Variants in PREX2 observed in about 807,000 individuals in gnomAD.
The protein encoded by PREX2 is phosphatidylinositol-3,4,5-trisphosphate dependent Rac exchange factor 2, also known as phosphatidylinositol 3,4,5-trisphosphate-dependent Rac exchanger 2 protein.
In PREX2, 107 loss-of-function variants were observed where a neutral mutation model predicts 203.2. The ratio of observed to expected loss-of-function variants is 0.53; its 90% CI spans 0.45 to 0.62. PREX2 has a LOEUF of 0.62. Ranked by LOEUF, PREX2 falls within the 20% of genes least tolerant of loss-of-function variation. PREX2 has a pLI of 0.00. For synonymous variants in PREX2, 672 were observed against 663.6 expected (o/e 1.01, Z -0.19); for missense variants, 1,777 against 1,955.9 (o/e 0.91, Z 1.72).
chr8:68,093,920 GTT>G (rs1369954619), intron 21 of PREX2, among the ~76,000 whole-genome samples, 198 bp downstream of exon 21: 1 of 152,120 alleles, frequency 6.6e-6, no homozygotes, highest in East Asian at 1.9e-4. Flanking sequence ...TTTATGAAGT[GTT>G]TTTGTGGACT....
At chr8:68,001,270 TG>T (rs1421925279) in intron 1 of PREX2, among the ~76,000 whole-genome samples, 1 of 151,188 alleles carries the variant, frequency 6.6e-6, no homozygotes, top group Non-Finnish European at 1.5e-5. Context: ...CATTAAAAAC[TG>T]GGCAAAGGAC....
chr8:68,014,870 A>C (rs1807369403), intron 1 of PREX2, among the ~76,000 whole-genome samples: 1 of 152,164 alleles, frequency 6.6e-6, no homozygotes, highest in Non-Finnish European at 1.5e-5. Flanking sequence ...CTGGGTCCTA[A>C]ATTAATCTGC....
chr8:68,184,600 A>C (rs980979163), intron 35 of PREX2, among the ~76,000 whole-genome samples: 25 of 152,166 alleles, frequency 1.6e-4, no homozygotes, highest in African/African-American at 5.5e-4. Context: ...AAATATGGAG[A>C]ATATCTCATA....
intron 37 of PREX2, among the ~76,000 whole-genome samples, chr8:68,209,554 G>C (rs887057353): frequency 6.6e-6 from 1 of 152,070 alleles, no homozygotes; most frequent in East Asian, 1.9e-4. Flanking sequence ...TTCCCCAGGG[G>C]AATTGAATCC....
intron 33 of PREX2, among the ~76,000 whole-genome samples, chr8:68,142,843 C>T (rs1460304170): frequency 1.3e-5 from 2 of 152,102 alleles, no homozygotes. Flanking sequence ...GAGGACTAAA[C>T]TAGCTAAAGG....
Position 68,116,040 on chromosome 8 carries a change from T to C in PREX2, c.3326+108T>C, listed in dbSNP as rs1365426530. On this transcript the variant is annotated intron_variant, in intron 26 of 39. Transcript: ENST00000288368. ...TTTTGATTGTTTTTCTTTTAATTGG[T>C]CTTTCACAATAATCACCTGTTACTA... 5.5e-6 allele frequency: 5 copies of C among 909,178 alleles called. No individual in the cohort carries two copies. The African/African-American group carries it at 8.5e-5, about 15-fold the overall frequency. The allele number at this position is 909,178 out of a possible 1,614,324, so 56.3% of individuals were successfully genotyped here.
At chr8:68,206,836 C>A (rs1174068300) in intron 37 of PREX2, among the ~76,000 whole-genome samples, 1 of 152,134 alleles carries the variant, frequency 6.6e-6, no homozygotes, top group Non-Finnish European at 1.5e-5. Flanking sequence ...AGTCTGATGT[C>A]TTGACAGTGG....
At chr8:68,118,355 CAAAA>C (rs370448093) in intron 26 of PREX2, among the ~76,000 whole-genome samples, 191 bp from the exon 27 acceptor site, 1 of 82,668 alleles carries the variant, frequency 1.2e-5, no homozygotes, top group Non-Finnish European at 2.7e-5. Flanking sequence ...ACTCCGTCTC[CAAAA>C]AAAAAAAAAA....
Position 68,079,729 on chromosome 8 carries a change from A to G in PREX2, c.1643-714A>G, listed in dbSNP as rs1809455078. 1.3e-5 allele frequency among the ~76,000 whole-genome samples: 2 copies of G among 152,180 alleles called. 1 individual carries two copies. ...ATTCTTCATATCAGTATTTAGCCTT[A>G]TTTTTAAAAATACTAACAAAACATA... On this transcript the variant is annotated intron_variant, in intron 15 of 39. Transcript: ENST00000288368.
chr8:68,138,090 CT>C (rs958928180), intron 32 of PREX2, among the ~76,000 whole-genome samples: 146 of 152,186 alleles, frequency 9.6e-4, no homozygotes, highest in African/African-American at 3.3e-3. Context: ...AAATAGCATG[CT>C]TTTTGTGTTC....
chr8:68,227,708 A>G lies in PREX2; in HGVS notation c.4775+3082A>G, dbSNP rs768198544. 9.4e-4 allele frequency among the ~76,000 whole-genome samples: 143 copies of G among 152,330 alleles called. 2 individuals are homozygous for G. Among genetic ancestry groups the G allele is most frequent in the Non-Finnish European group, 7.8e-4 (53 of 68,030 alleles). ...GGGGCTACAGAATCTAAAGTGAGCT[A>G]TGGACTGGAGATGGTTGTTCTGGCA... On this transcript the variant is annotated intron_variant, in intron 39 of 39. Coordinates refer to ENST00000288368, the MANE Select transcript of PREX2 (RefSeq NM_024870.4).
chr8:68,196,952 A>G (rs747518500), intron 37 of PREX2, among the ~76,000 whole-genome samples: 43 of 152,104 alleles, frequency 2.8e-4, no homozygotes, highest in Non-Finnish European at 5.0e-4. Context: ...ACACTGAGTA[A>G]TTTATAAAGA....
At chr8:68,134,303 T>C in intron 32 of PREX2, 27 bp downstream of exon 32, 11 of 1,550,778 alleles carry the variant, frequency 7.1e-6, no homozygotes, top group Non-Finnish European at 9.8e-6. Flanking sequence ...ACTCCCACTG[T>C]CTGTGTCAAC....
chr8:68,104,242 G>A (rs141748344), intron 23 of PREX2, among the ~76,000 whole-genome samples: 6 of 152,278 alleles, frequency 3.9e-5, no homozygotes, highest in African/African-American at 1.4e-4. Context: ...TATCTTTGCT[G>A]CTACCGACCA....
At chr8:68,016,250 A>T (rs1393048890) in intron 1 of PREX2, among the ~76,000 whole-genome samples, 1 of 152,198 alleles carries the variant, frequency 6.6e-6, no homozygotes, top group Non-Finnish European at 1.5e-5. Context: ...ACATTAGCAC[A>T]CACCAATATT....
intron 35 of PREX2, among the ~76,000 whole-genome samples, chr8:68,188,423 T>C (rs1812232383): frequency 6.6e-6 from 1 of 152,100 alleles, no homozygotes; most frequent in Admixed American, 6.6e-5. Context: ...AAATGGACCA[T>C]TAAAATGAAT....
intron 21 of PREX2, 132 bp downstream of exon 21, chr8:68,093,854 TGTCAAATGCATAA>T (rs1314325458): frequency 8.2e-6 from 4 of 487,662 alleles, no homozygotes; most frequent in Admixed American, 6.5e-5. Flanking sequence ...AACAGATGTC[TGTCAAATGCATAA>T]GTAATAATAG....
intron 34 of PREX2, among the ~76,000 whole-genome samples, chr8:68,155,297 G>A (rs1811522091): frequency 6.6e-6 from 1 of 152,058 alleles, no homozygotes; most frequent in Admixed American, 6.6e-5. Context: ...TGTGAAACAA[G>A]CACACAAATT....
At chr8:68,159,969 A>T (rs941297571) in intron 35 of PREX2, among the ~76,000 whole-genome samples, 2 of 152,168 alleles carry the variant, frequency 1.3e-5, no homozygotes, top group African/African-American at 2.4e-5. Flanking sequence ...AAGAAAAAAA[A>T]TAGTTTTCTT....
Sources: gnomAD v4.1 joint callset for allele counts (sites outside exome capture counted in the v4.1 genomes callset) on GRCh38, gnomAD v4.1.1 for gene constraint, MANE v1.5 for transcripts, NCBI Gene and HGNC (gene_info 2026-07-23, HGNC 2026-07-21) for gene names.